The following GRID1 variants were observed in gnomAD, a reference collection of about 807,000 sequenced individuals.
The protein encoded by GRID1 is glutamate ionotropic receptor delta type subunit 1.
Under a neutral mutation model 98.0 loss-of-function variants are expected in GRID1, and 28 were observed. The ratio of observed to expected loss-of-function variants is 0.29; its 90% CI spans 0.21 to 0.39. GRID1 has a LOEUF of 0.39. GRID1 is among the 10% of genes least tolerant of loss of function. The probability of loss-of-function intolerance (pLI) is 1.00; values close to 1 mark genes in which losing one functional copy is unlikely to be tolerated. For missense variants in GRID1, 1,111 were observed against 1,340.5 expected, an observed-to-expected ratio of 0.83 and a Z score of 2.67; for synonymous variants, 553 against 538.5, an observed-to-expected ratio of 1.03 and a Z score of -0.37.
chr10:85,725,486 A>G (rs541770126), intron 10 of GRID1, among the ~76,000 whole-genome samples: 14 of 152,322 alleles, frequency 9.2e-5, no homozygotes, highest in Non-Finnish European at 8.8e-5. Flanking sequence ...AGATGGATCC[A>G]GACTGTGAGG....
rs779665925 is a variant in GRID1 at position 85,631,049 on chromosome 10, C to G, written c.2194-11016G>C. Among the ~76,000 whole-genome samples, 52 of 152,296 alleles carry G rather than the reference C, an allele frequency of 3.4e-4. No individual in the cohort carries two copies. In the Middle Eastern group the frequency reaches 0.031, roughly 90 times the overall value. On this transcript the variant is annotated intron_variant, in intron 13 of 15. Transcript: ENST00000327946. ...ACACTGAATATCTTCCTGAAAAGAA[C>G]TCTACTTTATGCTTTACCAGCTATT...
intron 4 of GRID1, among the ~76,000 whole-genome samples, chr10:86,119,397 T>C (rs1200348125): frequency 1.3e-5 from 2 of 152,150 alleles, no homozygotes; most frequent in Admixed American, 1.3e-4. Flanking sequence ...TAGTTAATAA[T>C]GTATCAATAT....
chr10:85,872,108 C>G (rs534323799), intron 5 of GRID1, among the ~76,000 whole-genome samples: 1 of 152,238 alleles, frequency 6.6e-6, no homozygotes, highest in African/African-American at 2.4e-5. Context: ...ATGCTCAGCT[C>G]TGCTCTTAGC....
At chr10:85,830,632 C>A (rs1275842801) in intron 8 of GRID1, among the ~76,000 whole-genome samples, 1 of 151,778 alleles carries the variant, frequency 6.6e-6, no homozygotes, top group Non-Finnish European at 1.5e-5. Flanking sequence ...CAAAAGACAA[C>A]CCCATTAAAA....
chr10:86,169,665 A>C (rs1430409145), intron 3 of GRID1, among the ~76,000 whole-genome samples: 1 of 152,224 alleles, frequency 6.6e-6, no homozygotes, highest in East Asian at 1.9e-4. Flanking sequence ...GCAGCAGTCC[A>C]GCCTGGGATT....
chr10:85,976,363 G>C (rs1842472438), intron 4 of GRID1, among the ~76,000 whole-genome samples: 1 of 152,204 alleles, frequency 6.6e-6, no homozygotes, highest in Admixed American at 6.5e-5. Context: ...CTCAAGTCAA[G>C]TGATTTTAAG....
At chr10:85,855,310 G>C (rs1303482900) in intron 7 of GRID1, among the ~76,000 whole-genome samples, 1 of 152,250 alleles carries the variant, frequency 6.6e-6, no homozygotes, top group African/African-American at 2.4e-5. Context: ...AGGAGGCTGA[G>C]GGAGCCGTGG....
chr10:85,746,711 G>A (rs919126186), intron 8 of GRID1, among the ~76,000 whole-genome samples: 1 of 152,144 alleles, frequency 6.6e-6, no homozygotes. Context: ...AGGCATGCAA[G>A]TGAAGCCCTC....
intron 4 of GRID1, among the ~76,000 whole-genome samples, chr10:86,124,152 A>T (rs1290331848): frequency 1.3e-5 from 2 of 152,196 alleles, no homozygotes; most frequent in African/African-American, 4.8e-5. Flanking sequence ...ATGGAGTCAG[A>T]GAGTGGCAGA....
chr10:86,262,271 G>A (rs921112868), intron 2 of GRID1, among the ~76,000 whole-genome samples: 3 of 152,250 alleles, frequency 2.0e-5, no homozygotes, highest in Admixed American at 6.5e-5. Context: ...GGAGGCAATG[G>A]CTGTCTTTAA....
intron 4 of GRID1, among the ~76,000 whole-genome samples, chr10:86,114,215 A>G (rs952028667): frequency 6.6e-6 from 1 of 152,008 alleles, no homozygotes; most frequent in African/African-American, 2.4e-5. Flanking sequence ...GGCTCCTGTT[A>G]AGGGGTAAGC....
At chr10:85,644,592 T>C (rs1208947581) in intron 13 of GRID1, among the ~76,000 whole-genome samples, 1 of 152,226 alleles carries the variant, frequency 6.6e-6, no homozygotes, top group Non-Finnish European at 1.5e-5. Flanking sequence ...TAATGGTCAT[T>C]TGGATGGTTT....
chr10:85,734,294 T>G (rs1052480112), intron 8 of GRID1, among the ~76,000 whole-genome samples: 2 of 152,108 alleles, frequency 1.3e-5, no homozygotes, highest in Non-Finnish European at 2.9e-5. Context: ...TCCATGAAGA[T>G]AAGCAATCCA....
At chr10:85,893,469 C>T (rs960865703) in intron 5 of GRID1, among the ~76,000 whole-genome samples, 2 of 152,068 alleles carry the variant, frequency 1.3e-5, no homozygotes, top group African/African-American at 4.8e-5. Flanking sequence ...GCATGATAGT[C>T]TATATCGAAA....
chr10:86,325,485 T>A (rs1283359325), intron 2 of GRID1, among the ~76,000 whole-genome samples: 2 of 152,114 alleles, frequency 1.3e-5, no homozygotes, highest in Non-Finnish European at 2.9e-5. Context: ...CACCCAACTT[T>A]CCACAGTATA....
At chr10:86,169,027 C>T (rs183831500) in intron 3 of GRID1, among the ~76,000 whole-genome samples, 7 of 152,304 alleles carry the variant, frequency 4.6e-5, no homozygotes, top group African/African-American at 1.4e-4. Flanking sequence ...TGCACAATGC[C>T]GGTGCAGAAA....
At chr10:85,699,245 G>C (rs1260407695) in intron 12 of GRID1, among the ~76,000 whole-genome samples, 1 of 152,022 alleles carries the variant, frequency 6.6e-6, no homozygotes, top group Non-Finnish European at 1.5e-5. Context: ...TAACTATGGG[G>C]TTTTGCAATG....
At chr10:85,826,054 C>T (rs552358168) in intron 8 of GRID1, among the ~76,000 whole-genome samples, 28 of 152,300 alleles carry the variant, frequency 1.8e-4, no homozygotes, top group African/African-American at 5.8e-4. Context: ...AGGCTAGGCG[C>T]GTTGGCTCAC....
intron 4 of GRID1, among the ~76,000 whole-genome samples, chr10:86,095,325 C>A (rs1296757971): frequency 6.6e-6 from 1 of 152,108 alleles, no homozygotes; most frequent in Non-Finnish European, 1.5e-5. Context: ...AATAAAAAAG[C>A]AAATGCAATA....
Sources: allele counts gnomAD v4.1 joint callset (sites outside exome capture counted in the v4.1 genomes callset), GRCh38; gene constraint gnomAD v4.1.1; transcripts MANE v1.5; gene names NCBI Gene and HGNC (gene_info 2026-07-23, HGNC 2026-07-21).